EYS: variants seen among roughly 807,000 people sequenced by gnomAD.
EYS encodes protein eyes shut homolog.
EYS carries 250 observed loss-of-function variants against 282.1 expected under a neutral mutation model. The observed-to-expected ratio is 0.89, with a 90% CI of 0.80 to 0.98. The LOEUF (loss-of-function observed/expected upper bound fraction) is 0.98, where lower values mean the gene tolerates loss of function less well. EYS is among the 50% of genes least tolerant of loss of function. The pLI is 0.00. For missense variants in EYS, 4,016 were observed against 3,709.0 expected (o/e 1.08, Z -2.15); for synonymous variants, 1,355 against 1,282.9 (o/e 1.06, Z -1.20).
At chr6:64,502,454 C>T (rs1230663713) in intron 26 of EYS, among the ~76,000 whole-genome samples, 1 of 152,134 alleles carries the variant, frequency 6.6e-6, no homozygotes. Context: ...ATCTCCTGAC[C>T]TCGTGATCCG....
At chr6:64,378,350 A>G (rs1209107208) in intron 29 of EYS, among the ~76,000 whole-genome samples, 1 of 152,132 alleles carries the variant, frequency 6.6e-6, no homozygotes, top group Non-Finnish European at 1.5e-5. Flanking sequence ...GAAAACCAAA[A>G]TGATAATTAT....
At chr6:64,206,190 A>C (rs1212517695) in intron 31 of EYS, among the ~76,000 whole-genome samples, 1 of 152,186 alleles carries the variant, frequency 6.6e-6, no homozygotes, top group Non-Finnish European at 1.5e-5. Context: ...TTTTATATTT[A>C]ATGTGTAGAT....
intron 15 of EYS, among the ~76,000 whole-genome samples, chr6:64,913,964 A>T (rs1187529731): frequency 6.6e-6 from 1 of 152,154 alleles, no homozygotes; most frequent in Admixed American, 6.5e-5. Flanking sequence ...AGCTCAGTCT[A>T]GTCCTCCATC....
At chr6:64,626,047 C>T (rs957472265) in intron 23 of EYS, 74 bp downstream of exon 23, 61 of 874,784 alleles carry the variant, frequency 7.0e-5, no homozygotes, top group Middle Eastern at 3.4e-4. Context: ...ATTATACATA[C>T]ATGTCCATAT....
intron 33 of EYS, among the ~76,000 whole-genome samples, chr6:64,033,293 G>A (rs1769949684): frequency 1.3e-5 from 2 of 151,960 alleles, no homozygotes; most frequent in South Asian, 2.1e-4. Flanking sequence ...GTCTACTTCC[G>A]TTAGAGAAAA....
intron 11 of EYS, among the ~76,000 whole-genome samples, chr6:65,322,017 G>T (rs1268282469): frequency 6.6e-6 from 1 of 152,156 alleles, no homozygotes; most frequent in African/African-American, 2.4e-5. Flanking sequence ...CTCGTACCAA[G>T]ATATGATAGC....
intron 26 of EYS, among the ~76,000 whole-genome samples, chr6:64,566,391 A>T (rs1198102246): frequency 6.6e-6 from 1 of 152,132 alleles, no homozygotes; most frequent in East Asian, 1.9e-4. Context: ...AAAAATTGCA[A>T]AATAAATGGT....
intron 2 of EYS, among the ~76,000 whole-genome samples, chr6:65,598,092 C>A (rs1765472269): frequency 6.6e-6 from 1 of 150,552 alleles, no homozygotes; most frequent in Non-Finnish European, 1.5e-5. Context: ...AGAACGAAAC[C>A]TTGTCAAAAC....
intron 13 of EYS, among the ~76,000 whole-genome samples, chr6:65,054,501 A>G (rs1243016063): frequency 4.6e-5 from 7 of 152,018 alleles, no homozygotes; most frequent in Non-Finnish European, 8.8e-5. Flanking sequence ...TCATCTACAT[A>G]CAAGATAATT....
At chr6:64,984,042 C>A (rs138768032) in intron 14 of EYS, among the ~76,000 whole-genome samples, 1 of 151,346 alleles carries the variant, frequency 6.6e-6, no homozygotes, top group Non-Finnish European at 1.5e-5. Flanking sequence ...TCTGGAATTA[C>A]GAGATCTGAT....
chr6:64,954,797 T>C (rs1488877496), intron 14 of EYS, among the ~76,000 whole-genome samples: 3 of 152,108 alleles, frequency 2.0e-5, no homozygotes, highest in African/African-American at 7.2e-5. Context: ...TGAAAACACC[T>C]TCATAAGAAC....
Position 64,388,708 on chromosome 6 carries a change from G to C in EYS, c.6060C>G (p.Asp2020Glu). 1 of 1,536,060 alleles carries C rather than the reference G, an allele frequency of 6.5e-7. No individual in the cohort carries two copies. The highest frequency in any genetic ancestry group is 2.0e-5 in the Admixed American group (1 of 49,008). ...SGSVFIGGFP[D>E]LHGKIQMPVP... ...GAAATACCTGGATTTTCCCATGAAGGTCTGGAAATCCACCAATGAAGACAG... is the reference window on the plus strand; with the variant it reads ...GAAATACCTGGATTTTCCCATGAAGCTCTGGAAATCCACCAATGAAGACAG... Residue 2020 changes from aspartate to glutamate, a missense_variant, in exon 29 of 43, where the codon GAC becomes GAG. By Grantham distance (45) the Asp-to-Glu change is conservative. Coordinates refer to ENST00000503581, the MANE Select transcript of EYS (RefSeq NM_001142800.2).
intron 8 of EYS, among the ~76,000 whole-genome samples, chr6:65,380,419 T>C (rs573592331): frequency 6.6e-6 from 1 of 152,154 alleles, no homozygotes; most frequent in Non-Finnish European, 1.5e-5. Flanking sequence ...GCTAGCCATA[T>C]GCAGAAAACT....
intron 5 of EYS, among the ~76,000 whole-genome samples, chr6:65,459,969 TATATA>T (rs1242408911): frequency 5.5e-3 from 22 of 4,016 alleles, no homozygotes; most frequent in African/African-American, 0.011. Context: ...TTGTGTATTT[TATATA>T]TATATATATA....
At chr6:64,717,060 A>G (rs988206536) in intron 22 of EYS, among the ~76,000 whole-genome samples, 1 of 152,100 alleles carries the variant, frequency 6.6e-6, no homozygotes, top group Non-Finnish European at 1.5e-5. Context: ...GTTTGATTTT[A>G]ACTCATTTTG....
intron 11 of EYS, among the ~76,000 whole-genome samples, chr6:65,327,352 A>G (rs920139788): frequency 2.0e-5 from 3 of 151,664 alleles, no homozygotes; most frequent in African/African-American, 7.2e-5. Context: ...TTAATAACCA[A>G]TATGTCTTTT....
intron 26 of EYS, 34 bp from the exon 27 acceptor site, chr6:64,439,386 GAAAT>G (rs1272288225): frequency 3.7e-6 from 5 of 1,360,762 alleles, no homozygotes; most frequent in Non-Finnish European, 2.9e-6. Flanking sequence ...AATTTAGGTT[GAAAT>G]AAATATTCAA....
At chr6:65,279,871 A>G (rs997894553) in intron 12 of EYS, among the ~76,000 whole-genome samples, 24 of 152,152 alleles carry the variant, frequency 1.6e-4, no homozygotes, top group African/African-American at 5.8e-4. Context: ...TTTCAATTCT[A>G]TAATTTTGAC....
chr6:64,004,751 G>A (rs1033426602), intron 33 of EYS, among the ~76,000 whole-genome samples: 1 of 152,122 alleles, frequency 6.6e-6, no homozygotes, highest in African/African-American at 2.4e-5. Flanking sequence ...GTTCACTTAG[G>A]ATAATGGCCT....
Sources: allele counts gnomAD v4.1 joint callset (sites outside exome capture counted in the v4.1 genomes callset), GRCh38; gene constraint gnomAD v4.1.1; transcripts MANE v1.5; gene names NCBI Gene and HGNC (gene_info 2026-07-23, HGNC 2026-07-21).